The following ANO4 variants were observed in gnomAD, a reference collection of about 807,000 sequenced individuals.
ANO4 encodes anoctamin 4.
Under a neutral mutation model 141.9 loss-of-function variants are expected in ANO4, and 69 were observed. The ratio of observed to expected loss-of-function variants is 0.49; its 90% CI spans 0.40 to 0.59. ANO4 has a LOEUF of 0.59. ANO4 is among the 20% of genes least tolerant of loss of function. ANO4 has a pLI of 0.00. For synonymous variants in ANO4, 350 were observed against 394.3 expected, an observed-to-expected ratio of 0.89 and a Z score of 1.33; for missense variants, 894 against 1,162.2, an observed-to-expected ratio of 0.77 and a Z score of 3.36.
chr12:100,877,456 T>G (rs1431717091), intron 1 of ANO4, among the ~76,000 whole-genome samples: 2 of 151,300 alleles, frequency 1.3e-5, no homozygotes, highest in Admixed American at 1.3e-4. Context: ...GAAAGCAGAG[T>G]CTATGGGTTC....
At chr12:100,939,750 T>C (rs1488081054) in intron 4 of ANO4, among the ~76,000 whole-genome samples, 4 of 152,172 alleles carry the variant, frequency 2.6e-5, no homozygotes, top group Non-Finnish European at 5.9e-5. Flanking sequence ...AAATAAACTT[T>C]ACAGGGATGG....
chr12:100,759,994 C>T (rs895082100), intron 3 of ANO4, among the ~76,000 whole-genome samples: 1 of 152,228 alleles, frequency 6.6e-6, no homozygotes, highest in African/African-American at 2.4e-5. Context: ...CAGCACTCAC[C>T]TGCAGACATC....
At chr12:100,856,354 C>A (rs2038170823) in intron 1 of ANO4, among the ~76,000 whole-genome samples, 1 of 152,074 alleles carries the variant, frequency 6.6e-6, no homozygotes, top group African/African-American at 2.4e-5. Flanking sequence ...GAAAATTTTC[C>A]AAGTTTACAC....
rs1466073156 is a variant in ANO4 at position 100,739,902 on chromosome 12, A to T, written c.155A>T (p.Asn52Ile). The T allele has an allele frequency of 1.7e-5, 12 of 702,556 alleles. No individual in the cohort carries two copies. The Admixed American group carries it at 2.2e-4, about 13-fold the overall frequency. 43.5% of individuals were successfully genotyped at this position (702,556 alleles called of 1,614,324 possible). ...GCAATTGGGCTTACCCACTGGAAAA[A>T]TCCATACGTACAAGGCAGACCAACC... The change falls in exon 3 of 30, where the codon AAT becomes ATT. Residue 52 changes from asparagine (N) to isoleucine (I), a missense_variant. Transcript: ENST00000644049.
At chr12:100,780,992 A>G (rs1020553677) in intron 3 of ANO4, among the ~76,000 whole-genome samples, 6 of 152,244 alleles carry the variant, frequency 3.9e-5, no homozygotes, top group Non-Finnish European at 7.3e-5. Context: ...TGCCTAGCAA[A>G]CAAAATCTAA....
intron 22 of ANO4, among the ~76,000 whole-genome samples, chr12:101,100,763 T>C (rs552746951): frequency 6.6e-6 from 1 of 152,340 alleles, no homozygotes; most frequent in African/African-American, 2.4e-5. Flanking sequence ...AACTGCTCAC[T>C]TCTGTTCTTT....
Position 100,987,525 on chromosome 12 carries a change from T to C in ANO4, c.603-14T>C. ...CATGCTGTACCCTTTGGTCTTGCCT[T>C]CCATGTACCACAGGATCGATAAACA... On this transcript the variant is annotated splice_polypyrimidine_tract_variant and intron_variant, in intron 7 of 27. Transcript: ENST00000392977. The C allele has an allele frequency of 6.2e-7, 1 of 1,612,676 alleles. No homozygotes were observed. The highest frequency in any genetic ancestry group is 1.7e-4 in the Middle Eastern group (1 of 6,050).
At chr12:101,046,743 GCTGT>G (rs1172937409) in intron 13 of ANO4, among the ~76,000 whole-genome samples, 5 of 151,846 alleles carry the variant, frequency 3.3e-5, no homozygotes, top group Admixed American at 2.0e-4. Flanking sequence ...GCAGCAGAAA[GCTGT>G]CTGTCTCCAA....
intron 1 of ANO4, among the ~76,000 whole-genome samples, chr12:100,797,074 G>A (rs1395808071): frequency 1.3e-5 from 2 of 151,866 alleles, no homozygotes; most frequent in East Asian, 3.9e-4. Flanking sequence ...AACAGATTGT[G>A]TACCTATGCA....
rs541666111 is a variant in ANO4 at position 100,982,256 on chromosome 12, C to T, written c.603-5283C>T. On this transcript the variant is annotated intron_variant, in intron 7 of 27. Coordinates refer to ENST00000392977, the MANE Select transcript of ANO4 (RefSeq NM_001286615.2). ...AAAATGGAACAAAGTGACAACATAC[C>T]CAACCAAAATCAATGCTAAATCATT... is the stretch of plus-strand genomic sequence containing the variant. Among the ~76,000 whole-genome samples the T allele has an allele frequency of 3.5e-4, 53 of 152,226 alleles. No individual in the cohort carries two copies. In the South Asian group the frequency reaches 3.7e-3, roughly 11 times the overall value.
chr12:100,787,325 C>T (rs2033904953), intron 3 of ANO4, among the ~76,000 whole-genome samples: 1 of 152,104 alleles, frequency 6.6e-6, no homozygotes, highest in Admixed American at 6.5e-5. Context: ...AAAGTCCAAG[C>T]ATTGGAAAAA....
chr12:101,004,670 A>G (rs887500116), intron 8 of ANO4, among the ~76,000 whole-genome samples: 1 of 152,218 alleles, frequency 6.6e-6, no homozygotes, highest in Non-Finnish European at 1.5e-5. Context: ...ACACTCCCTA[A>G]TACCTGGAAT....
intron 2 of ANO4, among the ~76,000 whole-genome samples, chr12:100,916,367 C>G (rs1228006759): frequency 6.6e-6 from 1 of 151,704 alleles, no homozygotes; most frequent in African/African-American, 2.4e-5. Flanking sequence ...AAATTGTAGA[C>G]TAAAAAAAAA....
intron 14 of ANO4, among the ~76,000 whole-genome samples, chr12:101,074,258 C>T (rs556011004): frequency 2.0e-5 from 3 of 152,294 alleles, no homozygotes; most frequent in African/African-American, 7.2e-5. Flanking sequence ...GCAGACAGCT[C>T]CACTCCACAT....
At chr12:100,968,766 A>G (rs1312562409) in intron 5 of ANO4, among the ~76,000 whole-genome samples, 1 of 152,194 alleles carries the variant, frequency 6.6e-6, no homozygotes, top group East Asian at 1.9e-4. Flanking sequence ...TGCTCAGCTG[A>G]AAAGCTGTGA....
At chr12:100,918,003 A>C (rs958674639) in intron 2 of ANO4, among the ~76,000 whole-genome samples, 2 of 152,176 alleles carry the variant, frequency 1.3e-5, no homozygotes, top group Non-Finnish European at 2.9e-5. Context: ...CCACTCTTGA[A>C]TTTTTACATG....
intron 1 of ANO4, among the ~76,000 whole-genome samples, chr12:100,877,092 T>G (rs964122479): frequency 4.0e-5 from 6 of 151,740 alleles, no homozygotes; most frequent in South Asian, 2.1e-4. Context: ...AAGCAGAGAG[T>G]AGAATGATGA....
At chr12:100,807,711 TCCG>T (rs1004279844) in intron 1 of ANO4, among the ~76,000 whole-genome samples, 4 of 152,124 alleles carry the variant, frequency 2.6e-5, no homozygotes, top group African/African-American at 9.7e-5. Flanking sequence ...ATGCTTTCCC[TCCG>T]CCCCTGACAG....
intron 1 of ANO4, among the ~76,000 whole-genome samples, chr12:100,843,145 C>T (rs570199417): frequency 7.2e-5 from 11 of 152,252 alleles, no homozygotes; most frequent in African/African-American, 2.6e-4. Context: ...CGCTTACTCT[C>T]TGGGTTGGCT....
Sources: allele counts gnomAD v4.1 joint callset (sites outside exome capture counted in the v4.1 genomes callset), GRCh38; gene constraint gnomAD v4.1.1; transcripts MANE v1.5; gene names NCBI Gene and HGNC (gene_info 2026-07-23, HGNC 2026-07-21).